GPR160: variants seen among roughly 807,000 people sequenced by gnomAD.
The protein encoded by GPR160 is probable G protein-coupled receptor 160.
A neutral mutation model predicts 2.6 loss-of-function variants in GPR160; 2 were observed. The observed-to-expected ratio is 0.77, with a 90% CI of 0.32 to 2.44. The LOEUF is 2.44. Ranked by LOEUF, GPR160 falls within the 30% of genes most tolerant of loss-of-function variation. GPR160 has a pLI of 0.11. For missense variants in GPR160, 351 were observed against 383.6 expected, an observed-to-expected ratio of 0.91 and a Z score of 0.71; for synonymous variants, 130 against 132.2, an observed-to-expected ratio of 0.98 and a Z score of 0.12.
At chr3:170,053,967 T>G (rs182815763) in intron 2 of GPR160, among the ~76,000 whole-genome samples, 1 of 152,144 alleles carries the variant, frequency 6.6e-6, no homozygotes, top group African/African-American at 2.4e-5. Flanking sequence ...TTTGTTTTTT[T>G]TTTTAATTAC....
chr3:170,047,940 C>T (rs1295509321), intron 2 of GPR160, among the ~76,000 whole-genome samples: 1 of 150,366 alleles, frequency 6.7e-6, no homozygotes, highest in Non-Finnish European at 1.5e-5. Context: ...CAGGTTCAAG[C>T]GATTCTCCCA....
At chr3:170,063,830 A>C (rs1712132506) in intron 2 of GPR160, among the ~76,000 whole-genome samples, 1 of 152,092 alleles carries the variant, frequency 6.6e-6, no homozygotes, top group Non-Finnish European at 1.5e-5. Context: ...AAGCTTACTG[A>C]GCTCGTGGCC....
In GPR160 at chr3:170,084,867, CTTAAT is replaced by C. The variant is rs774710652; in HGVS notation, c.900_904del (p.Asn300LysfsTer24). 6 of 1,609,058 alleles carry C rather than the reference CTTAAT, an allele frequency of 3.7e-6. No homozygotes were observed. Among genetic ancestry groups the C allele is most frequent in the African/African-American group, 1.3e-5 (1 of 74,932 alleles). The stretch of plus-strand genomic sequence containing the variant: ...AGTGTATTGGTTTAATTGTCACAAG[CTTAAT>C]TTAAAAGACATTGGATTACCTTTGG... On this transcript the variant is annotated frameshift_variant, in exon 4 of 4. Coordinates refer to ENST00000355897, the MANE Select transcript of GPR160 (RefSeq NM_014373.3). LOFTEE classifies it high-confidence loss of function.
chr3:170,057,051 G>A (rs979075733), intron 2 of GPR160, among the ~76,000 whole-genome samples: 2 of 152,156 alleles, frequency 1.3e-5, no homozygotes, highest in African/African-American at 2.4e-5. Flanking sequence ...AATGTATACC[G>A]GAGCCACAGG....
intron 2 of GPR160, among the ~76,000 whole-genome samples, chr3:170,041,684 G>C (rs1443800583): frequency 6.6e-6 from 1 of 152,182 alleles, no homozygotes; most frequent in African/African-American, 2.4e-5. Flanking sequence ...CCTTACAGTG[G>C]GGGGAGATAC....
Position 170,048,049 on chromosome 3 carries a change from G to A in GPR160, c.-193+9006G>A, listed in dbSNP as rs145640996. Among the ~76,000 whole-genome samples the A allele has an allele frequency of 2.3e-3, 345 of 152,224 alleles. 2 individuals carry two copies. The highest frequency in any genetic ancestry group is 7.7e-3 in the African/African-American group (320 of 41,534). ...TCACCACGTTGGCCAGGCTGGTCTC[G>A]AACTCCTGACCTCAGGTGATCCACC... On this transcript the variant is annotated intron_variant, in intron 2 of 3. Transcript: ENST00000355897.
At chr3:170,052,336 A>G (rs1716993803) in intron 2 of GPR160, among the ~76,000 whole-genome samples, 1 of 152,180 alleles carries the variant, frequency 6.6e-6, no homozygotes, top group Non-Finnish European at 1.5e-5. Flanking sequence ...ACCATTTTAC[A>G]CCTCAAACAG....
chr3:170,065,190 A>G (rs933063150), intron 2 of GPR160, among the ~76,000 whole-genome samples: 3 of 152,236 alleles, frequency 2.0e-5, no homozygotes, highest in African/African-American at 4.8e-5. Context: ...AAAATAGCTA[A>G]TGAGTATCGT....
chr3:170,060,465 C>T (rs1269681736), intron 2 of GPR160, among the ~76,000 whole-genome samples: 1 of 152,174 alleles, frequency 6.6e-6, no homozygotes, highest in Non-Finnish European at 1.5e-5. Flanking sequence ...AAAAGGTCCT[C>T]TACAACAGTA....
intron 2 of GPR160, among the ~76,000 whole-genome samples, chr3:170,039,798 A>G (rs1716370869): frequency 6.6e-6 from 1 of 152,258 alleles, no homozygotes; most frequent in Non-Finnish European, 1.5e-5. Context: ...CTGTTTAGTT[A>G]CTTTTGGTAA....
chr3:170,083,842 G>T, intron 3 of GPR160, 63 bp from the exon 4 acceptor site: 1 of 474,530 alleles, frequency 2.1e-6, no homozygotes, highest in Non-Finnish European at 3.7e-6. Context: ...AAGAATAGTG[G>T]TGCTTGCTTT....
At chr3:170,080,205 T>G (rs1273226192) in intron 3 of GPR160, among the ~76,000 whole-genome samples, 1 of 152,210 alleles carries the variant, frequency 6.6e-6, no homozygotes, top group Non-Finnish European at 1.5e-5. Flanking sequence ...GATTTCTGTC[T>G]TGTTCAGGGA....
intron 2 of GPR160, among the ~76,000 whole-genome samples, chr3:170,073,577 T>C (rs1051312535): frequency 1.3e-5 from 2 of 152,220 alleles, no homozygotes; most frequent in South Asian, 2.1e-4. Context: ...GTGAATTACA[T>C]TGATTGACTT....
intron 2 of GPR160, among the ~76,000 whole-genome samples, chr3:170,076,780 G>C (rs968645541): frequency 6.6e-6 from 1 of 152,146 alleles, no homozygotes; most frequent in African/African-American, 2.4e-5. Flanking sequence ...CTGGCCTCAG[G>C]CAATCCGCCT....
rs574636369 is a variant in GPR160, at chr3:170,078,633, G to A, written c.-192-1141G>A. Among the ~76,000 whole-genome samples the A allele has an allele frequency of 3.0e-4, 45 of 150,288 alleles. 2 individuals carry two copies. In the South Asian group the frequency reaches 3.8e-3, roughly 13 times the overall value. On this transcript the variant is annotated intron_variant, in intron 2 of 3. Transcript: ENST00000355897. Reference sequence around the variant, plus strand: ...AGACAACTTCCATATGACCCCATGGGACTGGTCAGTGCTAACTAAAACAAC... The same window carrying A: ...AGACAACTTCCATATGACCCCATGGAACTGGTCAGTGCTAACTAAAACAAC...
chr3:170,048,695 G>A (rs1370099556), intron 2 of GPR160, among the ~76,000 whole-genome samples: 1 of 152,206 alleles, frequency 6.6e-6, no homozygotes, highest in African/African-American at 2.4e-5. Context: ...CAACAGATTT[G>A]TATTGTGGAA....
intron 2 of GPR160, among the ~76,000 whole-genome samples, chr3:170,046,194 A>G (rs76553484): frequency 2.0e-5 from 3 of 152,328 alleles, no homozygotes; most frequent in East Asian, 3.9e-4. Context: ...GGGTTCCCAC[A>G]TGGCCTTAGG....
Position 170,084,064 on chromosome 3 carries a change from T to C in GPR160, c.92T>C (p.Ile31Thr), listed in dbSNP as rs1433185764. 6.3e-7 allele frequency: 1 copy of C among 1,589,422 alleles called. No homozygotes were observed. The highest frequency in any genetic ancestry group is 1.1e-5 in the South Asian group (1 of 87,596). ...PLDVNYLLFL[I>T]ILGKILLNIL... ...GATGTTAACTATCTGCTATTCTTGA[T>C]CATACTTGGGAAAATATTATTAAAT... Residue 31 changes from isoleucine (I) to threonine (T), a missense_variant, in exon 4 of 4, where the codon ATC becomes ACC. By Grantham distance (89) the Ile-to-Thr change is moderately conservative. Transcript: ENST00000355897.
chr3:170,051,567 A>C (rs1216394865), intron 2 of GPR160, among the ~76,000 whole-genome samples: 1 of 152,160 alleles, frequency 6.6e-6, no homozygotes. Context: ...TCTACTAAAA[A>C]TACAAAAATT....
Sources: gnomAD v4.1 joint callset for allele counts (sites outside exome capture counted in the v4.1 genomes callset) on GRCh38, gnomAD v4.1.1 for gene constraint, MANE v1.5 for transcripts, NCBI Gene and HGNC (gene_info 2026-07-23, HGNC 2026-07-21) for gene names.